ZNF554: variants seen among roughly 807,000 people sequenced by gnomAD.
ZNF554 encodes the protein zinc finger protein 554.
Under a neutral mutation model 21.2 loss-of-function variants are expected in ZNF554, and 15 were observed. The observed-to-expected ratio is 0.71, with a 90% confidence interval of 0.47 to 1.09. The LOEUF (loss-of-function observed/expected upper bound fraction) is 1.09, where lower values mean the gene tolerates loss of function less well. Ranked by LOEUF, ZNF554 falls within the 50% of genes least tolerant of loss-of-function variation. The pLI, the probability that ZNF554 is intolerant of heterozygous loss-of-function variation, is 0.00. For missense variants in ZNF554, 691 were observed against 662.7 expected, an observed-to-expected ratio of 1.04 and a Z score of -0.47; for synonymous variants, 258 against 251.4, an observed-to-expected ratio of 1.03 and a Z score of -0.25.
Position 2,835,205 on chromosome 19 carries a change from G to T in ZNF554, c.*353G>T. ...ATAGAGTGGGAGGCAGGGTGCGGTG[G>T]CTCATGCCTATAATCCTAACACTTT... On this transcript the variant is annotated 3_prime_UTR_variant, in exon 5 of 5. Coordinates refer to ENST00000317243, the MANE Select transcript of ZNF554 (RefSeq NM_001102651.2). 1 of 204,042 alleles carries T rather than the reference G, an allele frequency of 4.9e-6. No individual in the cohort carries two copies. The allele number at this position is 204,042 out of a possible 1,614,324, so 12.6% of individuals were successfully genotyped here. A position where few individuals can be genotyped will look rare whatever the true frequency, so the allele number is the denominator to read the frequency against.
intron 3 of ZNF554, among the ~76,000 whole-genome samples, chr19:2,828,921 C>T (rs926588466): frequency 5.3e-5 from 8 of 152,274 alleles, no homozygotes; most frequent in African/African-American, 1.9e-4. Flanking sequence ...CAGGTACCTC[C>T]CTTGACACGT....
At chr19:2,832,591 A>G in intron 4 of ZNF554, 97 bp downstream of exon 4, 1 of 1,285,788 alleles carries the variant, frequency 7.8e-7, no homozygotes, top group Non-Finnish European at 1.1e-6. Flanking sequence ...CTGTAAGGAG[A>G]ATGCCAAGAT....
intron 3 of ZNF554, among the ~76,000 whole-genome samples, chr19:2,829,829 T>G (rs2087388900): frequency 6.6e-6 from 1 of 152,132 alleles, no homozygotes; most frequent in Admixed American, 6.6e-5. Flanking sequence ...ACCAAAACTC[T>G]GTACCCGTTA....
At position 2,832,398 on chromosome 19, in the gene ZNF554, G is replaced by A. The variant is rs915839089; in HGVS notation, c.349G>A (p.Gly117Arg). 1 of 1,614,128 alleles carries A rather than the reference G, an allele frequency of 6.2e-7. No homozygotes were observed. The highest frequency in any genetic ancestry group is 1.7e-5 in the Admixed American group (1 of 60,006). ...SQVTSLSSWT[G>R]YLLFQPVASS... ...AGTCACTAGTCTTTCCTCATGGACG[G>A]GGTATTTACTTTTTCAACCAGTGGC... Residue 117 changes from glycine to arginine, a missense_variant, in exon 4 of 5, where the codon GGG (glycine) becomes AGG (arginine). Coordinates refer to ENST00000317243, the MANE Select transcript of ZNF554 (RefSeq NM_001102651.2).
At chr19:2,823,193 G>T (rs1379403325) in intron 2 of ZNF554, 81 bp downstream of exon 2, 3 of 1,397,410 alleles carry the variant, frequency 2.1e-6, no homozygotes, top group Non-Finnish European at 3.0e-6. Context: ...CCTCGATAGA[G>T]GAGACCCCTT....
At chr19:2,826,099 C>A (rs953414871) in intron 2 of ZNF554, among the ~76,000 whole-genome samples, 13 of 151,478 alleles carry the variant, frequency 8.6e-5, no homozygotes, top group South Asian at 2.1e-4. Context: ...GGGGTTTCTC[C>A]ATATTGGTCA....
At position 2,835,260 on chromosome 19, in the gene ZNF554, CA is replaced by C; in HGVS notation, c.*409del. On this transcript the variant is annotated 3_prime_UTR_variant, in exon 5 of 5. Coordinates refer to ENST00000317243, the MANE Select transcript of ZNF554 (RefSeq NM_001102651.2). ...GGCCGAGGCGGGTGGATCATGAGGT[CA>C]GGAGATCGAGACCATCCTGGCTAAC... is the stretch of plus-strand genomic sequence containing the variant. 6.0e-6 allele frequency: 1 copy of C among 167,620 alleles called. No homozygotes were observed. The highest frequency in any genetic ancestry group is 5.5e-5 in the Admixed American group (1 of 18,264). 10.4% of individuals were successfully genotyped at this position (167,620 alleles called of 1,614,324 possible). A position where few individuals can be genotyped will look rare whatever the true frequency, so the allele number is the denominator to read the frequency against.
intron 3 of ZNF554, chr19:2,831,085 A>C (rs899115978): frequency 2.2e-4 from 33 of 152,106 alleles, no homozygotes; most frequent in African/African-American, 6.8e-4. Context: ...GTTTTGTATC[A>C]GCATGTATAT....
chr19:2,823,050 C>T lies in ZNF554; in HGVS notation c.64C>T (p.Pro22Ser), dbSNP rs1205406409. The T allele has an allele frequency of 6.2e-7, 1 of 1,613,550 alleles. No homozygotes were observed. Among genetic ancestry groups the T allele is most frequent in the Non-Finnish European group, 8.5e-7 (1 of 1,179,610 alleles). ...RLPAAQPSACPGTCFSQEERM... is the reference protein window; with the variant it reads ...RLPAAQPSACSGTCFSQEERM... ...TTTTCCTCCCCACAGCTCTGCCTGC[C>T]CAGGAACCTGCTTTTCCCAAGAGGA... Residue 22 changes from proline to serine, a missense_variant, in exon 2 of 5, where the codon CCA (proline) becomes TCA (serine). Physicochemically the swap from Pro to Ser is moderately conservative, Grantham distance 74. Coordinates refer to ENST00000317243, the MANE Select transcript of ZNF554 (RefSeq NM_001102651.2).
In ZNF554 at chr19:2,834,156, C is replaced by T. The variant is rs370386420; in HGVS notation, c.921C>T (p.His307=). The T allele has an allele frequency of 5.8e-5, 93 of 1,613,884 alleles. 1 individual carries two copies. The highest frequency in any genetic ancestry group is 2.4e-4 in the South Asian group (22 of 91,094). The change falls in exon 5 of 5, where the codon CAC becomes CAT. Residue 307 remains histidine, a synonymous_variant. Transcript: ENST00000317243. ...VYLENGQSLN[H]GMALTIHNKI... is the part of the protein sequence containing the mutation. ...TGGAAAATGGGCAGTCATTGAACCA[C>T]GGTATGGCCCTGACTATCCACAACA...
rs1323671674 is a variant in ZNF554 at position 2,835,031 on chromosome 19, G to A, written c.*179G>A. 1.6e-6 allele frequency: 1 copy of A among 617,156 alleles called. No individual in the cohort carries two copies. Among genetic ancestry groups the A allele is most frequent in the Non-Finnish European group, 2.7e-6 (1 of 364,248 alleles). The allele number at this position is 617,156 out of a possible 1,614,324, so 38.2% of individuals were successfully genotyped here. A position where few individuals can be genotyped will look rare whatever the true frequency, so the allele number is the denominator to read the frequency against. ...ATTTTGTTGTTGTTGTTGAGATGGAGTCTGCCACCCAGGCTGGAGTCCAGT... is the reference window on the plus strand; with the variant it reads ...ATTTTGTTGTTGTTGTTGAGATGGAATCTGCCACCCAGGCTGGAGTCCAGT... On this transcript the variant is annotated 3_prime_UTR_variant, in exon 5 of 5. Coordinates refer to ENST00000317243, the MANE Select transcript of ZNF554 (RefSeq NM_001102651.2).
At chr19:2,824,314 A>G (rs757630691) in intron 2 of ZNF554, among the ~76,000 whole-genome samples, 1 of 152,226 alleles carries the variant, frequency 6.6e-6, no homozygotes. Flanking sequence ...CCAGGAGGGC[A>G]GATCCTGCCT....
chr19:2,833,447 T>G (rs2087447055), intron 4 of ZNF554, among the ~76,000 whole-genome samples: 1 of 152,172 alleles, frequency 6.6e-6, no homozygotes, highest in South Asian at 2.1e-4. Context: ...CTTTCTGCAT[T>G]GATATTTCCC....
chr19:2,832,814 C>T (rs1404705222), intron 4 of ZNF554, among the ~76,000 whole-genome samples: 1 of 151,964 alleles, frequency 6.6e-6, no homozygotes, highest in Non-Finnish European at 1.5e-5. Flanking sequence ...CTCAAGTGAT[C>T]CTCCTGCCTC....
chr19:2,827,545 A>G, intron 2 of ZNF554, 72 bp from the exon 3 acceptor site: 1 of 1,548,662 alleles, frequency 6.5e-7, no homozygotes, highest in South Asian at 1.2e-5. Flanking sequence ...TGGTGCCACC[A>G]ACCTCACCCC....
At chr19:2,820,992 C>G (rs2087255827) in intron 1 of ZNF554, among the ~76,000 whole-genome samples, 1 of 151,564 alleles carries the variant, frequency 6.6e-6, no homozygotes, top group Admixed American at 6.6e-5. Context: ...TACCCACCAC[C>G]CATGTTGAGG....
rs2087496787 is a variant in ZNF554, at chr19:2,836,326, T to G, written c.*1474T>G. Among the ~76,000 whole-genome samples the G allele has an allele frequency of 6.6e-6, 1 of 152,040 alleles. No individual in the cohort carries two copies. Among genetic ancestry groups the G allele is most frequent in the African/African-American group, 2.4e-5 (1 of 41,388 alleles). Reference sequence around the variant, plus strand: ...ACAGGTGTGAGCCACCCTGCTGGGATTATGGGTGCGAGCCGCCGTGCTGGG... The same window carrying G: ...ACAGGTGTGAGCCACCCTGCTGGGAGTATGGGTGCGAGCCGCCGTGCTGGG... On this transcript the variant is annotated 3_prime_UTR_variant, in exon 5 of 5. Coordinates refer to ENST00000317243, the MANE Select transcript of ZNF554 (RefSeq NM_001102651.2).
chr19:2,834,748 T>C lies in ZNF554; in HGVS notation c.1513T>C (p.Ser505Pro). 2 of 1,613,920 alleles carry C rather than the reference T, an allele frequency of 1.2e-6. No individual in the cohort carries two copies. The highest frequency in any genetic ancestry group is 1.7e-6 in the Non-Finnish European group (2 of 1,179,870). The stretch of plus-strand genomic sequence containing the variant: ...ATGTGGGAAAGCCTTCAGCCAGAGC[T>C]CATCCCTTGTCACACATCAGAAAAC... ...QECGKAFSQS[S>P]SLVTHQKTHS... Residue 505 changes from serine (S) to proline (P), a missense_variant, in exon 5 of 5, where the codon TCA (serine) becomes CCA (proline). Coordinates refer to ENST00000317243, the MANE Select transcript of ZNF554 (RefSeq NM_001102651.2).
intron 3 of ZNF554, among the ~76,000 whole-genome samples, chr19:2,829,631 C>T (rs2087386098): frequency 6.6e-6 from 1 of 152,030 alleles, no homozygotes; most frequent in African/African-American, 2.4e-5. Flanking sequence ...GAGCAAAACT[C>T]CCTGTCAAAA....
Sources: gnomAD v4.1 joint callset for allele counts (sites outside exome capture counted in the v4.1 genomes callset) on GRCh38, gnomAD v4.1.1 for gene constraint, MANE v1.5 for transcripts, NCBI Gene and HGNC (gene_info 2026-07-23, HGNC 2026-07-21) for gene names.